Variants in SS18 observed in about 807,000 individuals in gnomAD.
The protein encoded by SS18 is protein SSXT.
SS18 carries 28 observed loss-of-function variants against 72.5 expected under a neutral mutation model. The ratio of observed to expected loss-of-function variants is 0.39; its 90% confidence interval spans 0.29 to 0.53. The LOEUF is 0.53. SS18 is among the 20% of genes least tolerant of loss of function. The pLI, the probability that SS18 is intolerant of heterozygous loss-of-function variation, is 0.76. For missense variants in SS18, 518 were observed against 535.3 expected (o/e 0.97, Z 0.32); for synonymous variants, 172 against 164.2 (o/e 1.05, Z -0.37).
chr18:26,053,538 A>C (rs1428139111), intron 4 of SS18, among the ~76,000 whole-genome samples: 1 of 151,828 alleles, frequency 6.6e-6, no homozygotes, highest in African/African-American at 2.4e-5. Context: ...AATAATAAAA[A>C]GGTAAATAAG....
intron 9 of SS18, among the ~76,000 whole-genome samples, chr18:26,033,769 C>A (rs1291309417): frequency 6.6e-6 from 1 of 151,892 alleles, no homozygotes; most frequent in Non-Finnish European, 1.5e-5. Context: ...TCTTAGGATT[C>A]CTGATGTCTA....
At chr18:26,046,211 A>G (rs2053820097) in intron 5 of SS18, among the ~76,000 whole-genome samples, 1 of 138,422 alleles carries the variant, frequency 7.2e-6, no homozygotes, top group South Asian at 2.1e-4. Flanking sequence ...AAAAAAAAAA[A>G]GAAGTAGAAA....
At chr18:26,085,300 G>T (rs2144183045) in intron 2 of SS18, among the ~76,000 whole-genome samples, 1 of 152,290 alleles carries the variant, frequency 6.6e-6, no homozygotes, top group East Asian at 1.9e-4. Flanking sequence ...CTCCCAAAGT[G>T]CTGGGATTTC....
At chr18:26,054,699 A>G (rs1258196219) in intron 4 of SS18, among the ~76,000 whole-genome samples, 1 of 152,112 alleles carries the variant, frequency 6.6e-6, no homozygotes, top group African/African-American at 2.4e-5. Flanking sequence ...GTAAAAATAA[A>G]GGAAATACAC....
intron 2 of SS18, 173 bp from the exon 3 acceptor site, chr18:26,078,333 A>G (rs1324246368): frequency 3.9e-6 from 2 of 509,974 alleles, no homozygotes; most frequent in African/African-American, 2.0e-5. Flanking sequence ...ATATTTAAAT[A>G]TAATGAGCTC....
intron 5 of SS18, among the ~76,000 whole-genome samples, chr18:26,048,106 A>T (rs1473926790): frequency 6.6e-6 from 1 of 152,266 alleles, no homozygotes; most frequent in Non-Finnish European, 1.5e-5. Context: ...TTTAGCAAAT[A>T]GGAAGACTGT....
intron 10 of SS18, among the ~76,000 whole-genome samples, chr18:26,020,907 G>T (rs1336660850): frequency 2.0e-5 from 3 of 152,124 alleles, no homozygotes; most frequent in Non-Finnish European, 4.4e-5. Flanking sequence ...TGGGAAGAAA[G>T]AATACGCAAT....
intron 3 of SS18, among the ~76,000 whole-genome samples, chr18:26,064,016 T>C (rs1036281887): frequency 1.3e-5 from 2 of 149,900 alleles, no homozygotes; most frequent in Non-Finnish European, 2.9e-5. Flanking sequence ...GAAAATGAGA[T>C]ATTAAGAACA....
intron 10 of SS18, among the ~76,000 whole-genome samples, chr18:26,027,457 G>A (rs572691603): frequency 1.3e-3 from 192 of 151,886 alleles, no homozygotes; most frequent in Middle Eastern, 3.4e-3. Flanking sequence ...GACCATCCTA[G>A]CCAACAAGGT....
chr18:26,035,118 T>C lies in SS18; in HGVS notation c.983A>G (p.Gln328Arg), dbSNP rs1220219385. 1.2e-6 allele frequency: 2 copies of C among 1,612,678 alleles called. No individual in the cohort carries two copies. The highest frequency in any genetic ancestry group is 1.7e-6 in the Non-Finnish European group (2 of 1,179,372). ...GTATGCATCTTGCTGTTGGCCATACTGTGAATTTCCTACAGGATAATTGGA... is the reference window on the plus strand; with the variant it reads ...GTATGCATCTTGCTGTTGGCCATACCGTGAATTTCCTACAGGATAATTGGA... ...SQHYYEGGNS[Q>R]YGQQQDAYQG... The change falls in exon 9 of 11, where the codon CAG (glutamine) becomes CGG (arginine). Residue 328 changes from glutamine (Q) to arginine (R), a missense_variant. Physicochemically the swap from Gln to Arg is conservative, Grantham distance 43 (BLOSUM62 1). Coordinates refer to ENST00000415083, the MANE Select transcript of SS18 (RefSeq NM_001007559.3). This position sits in a 1 kb window ranked among gnomAD's most constrained non-coding sequence, Gnocchi z 4.4.
At chr18:26,076,661 T>G (rs995075142) in intron 3 of SS18, among the ~76,000 whole-genome samples, 1 of 152,046 alleles carries the variant, frequency 6.6e-6, no homozygotes, top group South Asian at 2.1e-4. Flanking sequence ...ATTACATTGT[T>G]ATATGTTTTA....
intron 3 of SS18, among the ~76,000 whole-genome samples, chr18:26,073,919 C>T (rs983288612): frequency 1.3e-5 from 2 of 152,130 alleles, no homozygotes; most frequent in African/African-American, 4.8e-5. Flanking sequence ...ATTTGGCAGA[C>T]ATTTTCTCAA....
intron 3 of SS18, among the ~76,000 whole-genome samples, chr18:26,058,151 A>G (rs529339425): frequency 6.6e-6 from 1 of 152,326 alleles, no homozygotes; most frequent in East Asian, 1.9e-4. Flanking sequence ...AAGTCCCAAA[A>G]TGTGCCATAT....
intron 10 of SS18, among the ~76,000 whole-genome samples, chr18:26,032,189 A>G (rs1008465963): frequency 1.3e-5 from 2 of 152,080 alleles, no homozygotes; most frequent in African/African-American, 4.8e-5. Context: ...TGATAAGGCC[A>G]TGTTTTATAT....
chr18:26,079,960 A>T (rs965822619), intron 2 of SS18, among the ~76,000 whole-genome samples: 2 of 151,988 alleles, frequency 1.3e-5, no homozygotes, highest in Non-Finnish European at 2.9e-5. Flanking sequence ...TTTTAATAAG[A>T]AAGGAAAAAA....
At chr18:26,063,906 CAG>C (rs779736808) in intron 3 of SS18, among the ~76,000 whole-genome samples, 15 of 151,650 alleles carry the variant, frequency 9.9e-5, no homozygotes, top group Non-Finnish European at 4.4e-5. Flanking sequence ...CAAGAAAAGA[CAG>C]AAATTCCAAT....
rs751438190 is a variant in SS18, at chr18:26,035,117, C to A, written c.984G>T (p.Gln328His). 51 of 1,612,572 alleles carry A rather than the reference C, an allele frequency of 3.2e-5. No homozygotes were observed. The highest frequency in any genetic ancestry group is 3.5e-5 in the Non-Finnish European group (41 of 1,179,386). Residue 328 changes from glutamine (Q) to histidine (H), a missense_variant, in exon 9 of 11, where the codon CAG becomes CAT. Gln to His is a conservative substitution (Grantham distance 24, BLOSUM62 0). Coordinates refer to ENST00000415083, the MANE Select transcript of SS18 (RefSeq NM_001007559.3). The surrounding 1 kb of genome is among the most constrained non-coding windows in gnomAD (Gnocchi z 4.4). Reference sequence around the variant, plus strand: ...GGTATGCATCTTGCTGTTGGCCATACTGTGAATTTCCTACAGGATAATTGG... The same window carrying A: ...GGTATGCATCTTGCTGTTGGCCATAATGTGAATTTCCTACAGGATAATTGG... The part of the protein sequence containing the change: ...SQHYYEGGNS[Q>H]YGQQQDAYQG...
chr18:26,073,427 G>A (rs1242500319), intron 3 of SS18, among the ~76,000 whole-genome samples: 4 of 152,142 alleles, frequency 2.6e-5, no homozygotes, highest in Non-Finnish European at 5.9e-5. Context: ...GTAAAAGGGA[G>A]AAAATCATAA....
intron 3 of SS18, among the ~76,000 whole-genome samples, chr18:26,064,239 C>A (rs1330773144): frequency 2.0e-5 from 3 of 152,022 alleles, no homozygotes; most frequent in Non-Finnish European, 2.9e-5. Context: ...ATAAATAATA[C>A]CTCACACCAA....
Sources: gnomAD v4.1 joint callset for allele counts (sites outside exome capture counted in the v4.1 genomes callset) on GRCh38, gnomAD v4.1.1 for gene constraint, Gnocchi (gnomAD v3.1) non-coding constraint, MANE v1.5 for transcripts, NCBI Gene and HGNC (gene_info 2026-07-23, HGNC 2026-07-21) for gene names.